Variants in ZNF23 observed in about 807,000 individuals in gnomAD.
ZNF23 encodes the protein zinc finger protein 23, also known as kruppel-like zinc finger factor X31.
ZNF23 carries 48 observed loss-of-function variants against 56.2 expected under a neutral mutation model. The observed-to-expected ratio is 0.85, with a 90% CI of 0.68 to 1.09. The LOEUF (loss-of-function observed/expected upper bound fraction) is 1.09. ZNF23 is among the 50% of genes least tolerant of loss of function. The pLI, the probability that ZNF23 is intolerant of heterozygous loss-of-function variation, is 0.00. For missense variants in ZNF23, 805 were observed against 811.4 expected (o/e 0.99, Z 0.10); for synonymous variants, 266 against 283.3 (o/e 0.94, Z 0.61).
At chr16:71,456,468 C>T (rs543859217) in intron 2 of ZNF23, among the ~76,000 whole-genome samples, 4 of 152,240 alleles carry the variant, frequency 2.6e-5, no homozygotes, top group East Asian at 1.9e-4. Context: ...CCCACAGGGG[C>T]GGTTTCCACG....
At chr16:71,455,134 CCTT>C (rs1054166739) in intron 2 of ZNF23, among the ~76,000 whole-genome samples, 36 of 152,338 alleles carry the variant, frequency 2.4e-4, no homozygotes, top group African/African-American at 8.7e-4. Context: ...TTTCTGTGAG[CCTT>C]CTTTGTGTGA....
At chr16:71,455,733 C>T (rs2145109725) in intron 2 of ZNF23, among the ~76,000 whole-genome samples, 1 of 152,300 alleles carries the variant, frequency 6.6e-6, no homozygotes. Context: ...GCCCATGTCA[C>T]GGGACCAGTG....
At position 71,449,518 on chromosome 16, in the gene ZNF23, T is replaced by C. The variant is rs563303864; in HGVS notation, c.636A>G (p.Lys212=). 1 of 1,614,178 alleles carries C rather than the reference T, an allele frequency of 6.2e-7. No individual in the cohort carries two copies. The highest frequency in any genetic ancestry group is 1.1e-5 in the South Asian group (1 of 91,088). ...TAAAGGGCTCTACTAATTCTTCACA[T>C]TTGAAAGGTCTTTCCTCAGAATTAA... The part of the protein sequence containing the change: ...EIINSEERPF[K]CEELVEPFRC... The change falls in exon 5 of 5, where the codon AAA becomes AAG. Residue 212 remains lysine (K), a synonymous_variant. Coordinates refer to ENST00000647773, the MANE Select transcript of ZNF23 (RefSeq NM_001381984.1).
chr16:71,454,700 G>A (rs1296279634), intron 2 of ZNF23, among the ~76,000 whole-genome samples: 3 of 152,110 alleles, frequency 2.0e-5, no homozygotes. Flanking sequence ...CTCCAGCCAA[G>A]GATGCTCCAT....
intron 4 of ZNF23, 144 bp from the exon 5 acceptor site, chr16:71,450,029 T>C: frequency 1.7e-6 from 1 of 572,440 alleles, no homozygotes; most frequent in Non-Finnish European, 2.9e-6. Flanking sequence ...CTCCATAAGG[T>C]GGGATAAGTA....
At chr16:71,459,297 G>A (rs372394514) in intron 1 of ZNF23, among the ~76,000 whole-genome samples, 16 of 152,332 alleles carry the variant, frequency 1.1e-4, no homozygotes, top group South Asian at 6.2e-4. Context: ...TGTTTTCCCC[G>A]TCGATCCCCC....
chr16:71,450,142 TATAGA>T (rs1193340620), intron 4 of ZNF23: 22 of 311,826 alleles, frequency 7.1e-5, no homozygotes, highest in South Asian at 3.8e-4. Flanking sequence ...AAAAACAGTA[TATAGA>T]ATAGATTTTC....
At position 71,448,854 on chromosome 16, in the gene ZNF23, G is replaced by A; in HGVS notation, c.1300C>T (p.Pro434Ser). The stretch of plus-strand genomic sequence containing the variant: ...TTTCCACATTCAGTGCATTCATAGG[G>A]TTTCTCACCTGTGTGGATTCTCTGA... ...QHQRIHTGEK[P>S]YECTECGKAF... Residue 434 changes from proline (P) to serine (S), a missense_variant, in exon 5 of 5, where the codon CCC becomes TCC. Pro to Ser is a moderately conservative substitution (Grantham distance 74). Coordinates refer to ENST00000647773, the MANE Select transcript of ZNF23 (RefSeq NM_001381984.1). The A allele has an allele frequency of 1.2e-6, 2 of 1,614,166 alleles. No homozygotes were observed. The highest frequency in any genetic ancestry group is 1.1e-5 in the South Asian group (1 of 91,080).
chr16:71,451,434 T>A (rs1428402754), intron 4 of ZNF23: 1 of 152,232 alleles, frequency 6.6e-6, no homozygotes, highest in African/African-American at 2.4e-5. Flanking sequence ...ATAGACTGAA[T>A]GTTTGTCCTC....
At chr16:71,457,653 A>C (rs2043287594) in intron 1 of ZNF23, among the ~76,000 whole-genome samples, 1 of 152,058 alleles carries the variant, frequency 6.6e-6, no homozygotes, top group Non-Finnish European at 1.5e-5. Flanking sequence ...TGAGCCCGGG[A>C]GGTCAAGGCT....
Position 71,448,320 on chromosome 16 carries a change from A to T in ZNF23, c.1834T>A (p.Phe612Ile). ...PFQCKECGKA[F>I]HVNAHLIRHQ... ...CGAATTAAATGGGCATTAACATGGA[A>T]GGCTTTTCCACACTCCTTACACTGA... Residue 612 changes from phenylalanine to isoleucine, a missense_variant, in exon 5 of 5, where the codon TTC (phenylalanine) becomes ATC (isoleucine). Physicochemically the swap from Phe to Ile is conservative, Grantham distance 21. Coordinates refer to ENST00000647773, the MANE Select transcript of ZNF23 (RefSeq NM_001381984.1). 6.2e-7 allele frequency: 1 copy of T among 1,614,014 alleles called. No individual in the cohort carries two copies. Among genetic ancestry groups the T allele is most frequent in the Non-Finnish European group, 8.5e-7 (1 of 1,179,986 alleles).
rs775666101 is a variant in ZNF23, at chr16:71,454,178, T to A, written c.34-10A>T. On this transcript the variant is annotated splice_polypyrimidine_tract_variant and intron_variant, in intron 2 of 4. Coordinates refer to ENST00000647773, the MANE Select transcript of ZNF23 (RefSeq NM_001381984.1). ...CAAAGGTCACCGACTTCTGAAACAA[T>A]AGGTTCCTGCTGCCCTAGGGCCAAT... The A allele has an allele frequency of 6.2e-6, 10 of 1,611,086 alleles. No individual in the cohort carries two copies. Among genetic ancestry groups the A allele is most frequent in the Non-Finnish European group, 7.6e-6 (9 of 1,178,990 alleles).
intron 3 of ZNF23, chr16:71,453,765 C>T: frequency 1.8e-6 from 1 of 559,666 alleles, no homozygotes; most frequent in Non-Finnish European, 3.2e-6. Flanking sequence ...GAAGATGCCA[C>T]TGTGGAACAG....
chr16:71,453,706 C>T (rs1281162016), intron 3 of ZNF23: 1 of 502,338 alleles, frequency 2.0e-6, no homozygotes, highest in Admixed American at 3.4e-5. Flanking sequence ...ATCCAGAGTA[C>T]ACTGAGATCC....
In ZNF23 at chr16:71,461,166, G is replaced by A. The variant is rs564792792; in HGVS notation, c.-33+1044C>T. Among the ~76,000 whole-genome samples the A allele has an allele frequency of 7.6e-4, 116 of 152,280 alleles. 1 individual carries two copies. Among genetic ancestry groups the A allele is most frequent in the Non-Finnish European group, 1.4e-3 (98 of 68,018 alleles). On this transcript the variant is annotated intron_variant, in intron 1 of 4. Coordinates refer to ENST00000647773, the MANE Select transcript of ZNF23 (RefSeq NM_001381984.1). ...ATATAACTGTTACCTCTAGGGGTTG[G>A]AGGCTGGGAGTTGGGTTGAGGAGGA...
chr16:71,456,707 CA>C, intron 2 of ZNF23, 56 bp downstream of exon 2: 1 of 986,120 alleles, frequency 1.0e-6, no homozygotes. Context: ...CTCCCCTTCT[CA>C]ATGTTTTTCA....
chr16:71,453,015 A>C (rs1243639637), intron 4 of ZNF23, among the ~76,000 whole-genome samples: 1 of 152,256 alleles, frequency 6.6e-6, no homozygotes, highest in Non-Finnish European at 1.5e-5. Flanking sequence ...ATTAGCATTG[A>C]AGAGTCAGAA....
intron 3 of ZNF23, chr16:71,453,672 A>T (rs902886285): frequency 2.1e-5 from 10 of 468,802 alleles, no homozygotes; most frequent in Admixed American, 3.6e-5. Context: ...AAGGGATACC[A>T]CTTTTTGACC....
chr16:71,450,804 C>T (rs1357540563), intron 4 of ZNF23: 1 of 336,490 alleles, frequency 3.0e-6, no homozygotes, highest in Non-Finnish European at 6.0e-6. Flanking sequence ...CCATGCTTTT[C>T]TACACCCTGC....
Sources: gnomAD v4.1 joint callset for allele counts (sites outside exome capture counted in the v4.1 genomes callset) on GRCh38, gnomAD v4.1.1 for gene constraint, MANE v1.5 for transcripts, NCBI Gene and HGNC (gene_info 2026-07-23, HGNC 2026-07-21) for gene names.